The following MCC variants were observed in gnomAD, a reference collection of about 807,000 sequenced individuals.
MCC encodes MCC regulator of Wnt signaling pathway.
A neutral mutation model predicts 116.2 loss-of-function variants in MCC; 90 were observed. That is an observed-to-expected ratio of 0.77 (90% confidence interval 0.65 to 0.92). The LOEUF is 0.92. Among genes scored for constraint, MCC ranks in the 40% least tolerant of loss-of-function variants. The pLI, the probability that MCC is intolerant of heterozygous loss-of-function variation, is 0.00. For missense variants in MCC, 1,516 were observed against 1,312.2 expected, an observed-to-expected ratio of 1.16 and a Z score of -2.40; for synonymous variants, 578 against 510.5, an observed-to-expected ratio of 1.13 and a Z score of -1.78.
intron 11 of MCC, among the ~76,000 whole-genome samples, chr5:113,079,588 G>C (rs1581009077): frequency 6.6e-6 from 1 of 152,206 alleles, no homozygotes; most frequent in South Asian, 2.1e-4. Flanking sequence ...ATGGTGCTGG[G>C]AAAACTGGCT....
At chr5:113,484,928 G>T (rs1199886158) in intron 1 of MCC, among the ~76,000 whole-genome samples, 1 of 152,178 alleles carries the variant, frequency 6.6e-6, no homozygotes, top group African/African-American at 2.4e-5. Flanking sequence ...TGCACTGAAA[G>T]AGCTTACGGT....
In MCC at chr5:113,025,700, C is replaced by CTGA. The variant is rs2150203626; in HGVS notation, c.*1599_*1601dup. On this transcript the variant is annotated 3_prime_UTR_variant, in exon 19 of 19. Transcript: ENST00000408903. Reference sequence around the variant, plus strand: ...GCACCCCAAAGCTGGTCCTTCTAGACTGATACCAGTTGATCTGTTGTTTCG... The same window carrying CTGA: ...GCACCCCAAAGCTGGTCCTTCTAGACTGATGATACCAGTTGATCTGTTGTTTCG... The CTGA allele has an allele frequency of 6.6e-6, 1 of 152,146 alleles. No homozygotes were observed. The highest frequency in any genetic ancestry group is 2.4e-5 in the African/African-American group (1 of 41,512). 9.4% of individuals were successfully genotyped at this position (152,146 alleles called of 1,614,324 possible). A position where few individuals can be genotyped will look rare whatever the true frequency, so the allele number is the denominator to read the frequency against.
intron 1 of MCC, among the ~76,000 whole-genome samples, chr5:113,389,807 A>G (rs1196058122): frequency 6.6e-6 from 1 of 152,138 alleles, no homozygotes; most frequent in Admixed American, 6.5e-5. Context: ...GTTGAAAATG[A>G]TCTTTCTTTT....
intron 1 of MCC, among the ~76,000 whole-genome samples, chr5:113,474,176 T>A (rs1772172352): frequency 6.6e-6 from 1 of 152,176 alleles, no homozygotes; most frequent in Non-Finnish European, 1.5e-5. Flanking sequence ...GGCACTGAGG[T>A]TACAAAGGCA....
intron 1 of MCC, among the ~76,000 whole-genome samples, chr5:113,456,134 C>G (rs1771539510): frequency 6.6e-6 from 1 of 152,010 alleles, no homozygotes; most frequent in Non-Finnish European, 1.5e-5. Flanking sequence ...GATATGAGCC[C>G]CTGATCTTAA....
At chr5:113,416,622 C>T (rs1262740769) in intron 1 of MCC, among the ~76,000 whole-genome samples, 1 of 151,948 alleles carries the variant, frequency 6.6e-6, no homozygotes, top group East Asian at 1.9e-4. Flanking sequence ...TCATGGACAA[C>T]CATTAAAAGG....
At chr5:113,463,717 T>G (rs1316610589) in intron 1 of MCC, among the ~76,000 whole-genome samples, 1 of 152,110 alleles carries the variant, frequency 6.6e-6, no homozygotes, top group Non-Finnish European at 1.5e-5. Flanking sequence ...TATGCAAGTC[T>G]GAGATGCAGA....
intron 2 of MCC, among the ~76,000 whole-genome samples, chr5:113,345,817 C>T (rs1768120333): frequency 6.6e-6 from 1 of 152,182 alleles, no homozygotes; most frequent in African/African-American, 2.4e-5. Context: ...CTTCAATGCC[C>T]AGACACTGAA....
intron 1 of MCC, among the ~76,000 whole-genome samples, chr5:113,420,286 G>A (rs921033229): frequency 4.7e-5 from 7 of 148,664 alleles, no homozygotes; most frequent in Non-Finnish European, 7.4e-5. Flanking sequence ...AACAACAACA[G>A]CACCAAAAAC....
At chr5:113,147,963 G>A (rs1759626097) in intron 4 of MCC, among the ~76,000 whole-genome samples, 1 of 152,200 alleles carries the variant, frequency 6.6e-6, no homozygotes, top group African/African-American at 2.4e-5. Context: ...CAGGAGACTT[G>A]TTTTCCAAAG....
intron 3 of MCC, among the ~76,000 whole-genome samples, chr5:113,305,009 C>CAAA (rs61371264): frequency 9.5e-5 from 13 of 137,338 alleles, no homozygotes; most frequent in Admixed American, 2.2e-4. Flanking sequence ...CCAAAAGGGG[C>CAAA]AAAAAAAAAA....
Position 113,434,725 on chromosome 5 carries a change from C to T in MCC, c.171-49513G>A. On this transcript the variant is annotated intron_variant, in intron 1 of 18. Transcript: ENST00000408903. The surrounding 1 kb of genome is among the most constrained non-coding windows in gnomAD (Gnocchi z 4.2). ...TTCTTGCGGTCGATGATCTTGATCGCCACATTGAACTTCAGGCGCTCAGAG... is the reference window on the plus strand; with the variant it reads ...TTCTTGCGGTCGATGATCTTGATCGTCACATTGAACTTCAGGCGCTCAGAG... 1 of 1,614,056 alleles carries T rather than the reference C, an allele frequency of 6.2e-7. No individual in the cohort carries two copies.
chr5:113,358,939 C>A lies in MCC; in HGVS notation c.416-18209G>T, dbSNP rs997501162. On this transcript the variant is annotated intron_variant, in intron 2 of 18. Transcript: ENST00000408903. ...TACAAATTACATTACTAACACAGGCCAATTGTCTTAAAATCTGTGCCTGTG... is the reference window on the plus strand; with the variant it reads ...TACAAATTACATTACTAACACAGGCAAATTGTCTTAAAATCTGTGCCTGTG... Among the ~76,000 whole-genome samples, 6 of 152,132 alleles carry A rather than the reference C, an allele frequency of 3.9e-5. No homozygotes were observed. The East Asian group carries it at 1.2e-3, about 29-fold the overall frequency.
intron 3 of MCC, among the ~76,000 whole-genome samples, chr5:113,189,342 C>T (rs1762044847): frequency 6.6e-6 from 1 of 152,172 alleles, no homozygotes; most frequent in Admixed American, 6.5e-5. Context: ...AAGAAAGCAC[C>T]TTTGAAGTGT....
Position 113,101,826 on chromosome 5 carries a change from G to C in MCC, c.1311C>G (p.Ala437=), listed in dbSNP as rs770493359. Residue 437 remains alanine, a synonymous_variant, in exon 8 of 19, where the codon GCC becomes GCG. Transcript: ENST00000408903. ...GLREENESLT[A]MLCSKEEELN... ...GTTCTTCCTCTTTGCTGCACAGCATGGCAGTCAGGCTCTCATTCTCTTCCC... is the reference window on the plus strand; with the variant it reads ...GTTCTTCCTCTTTGCTGCACAGCATCGCAGTCAGGCTCTCATTCTCTTCCC... 13 of 1,613,522 alleles carry C rather than the reference G, an allele frequency of 8.1e-6. No individual in the cohort carries two copies. The highest frequency in any genetic ancestry group is 9.3e-6 in the Non-Finnish European group (11 of 1,180,016).
At chr5:113,146,725 G>A (rs1262208995) in intron 4 of MCC, among the ~76,000 whole-genome samples, 1 of 152,192 alleles carries the variant, frequency 6.6e-6, no homozygotes, top group Non-Finnish European at 1.5e-5. Context: ...TTGTAAGTTA[G>A]AGACTATTTT....
intron 3 of MCC, among the ~76,000 whole-genome samples, chr5:113,293,933 C>T (rs1766609977): frequency 6.6e-6 from 1 of 152,104 alleles, no homozygotes; most frequent in Admixed American, 6.5e-5. Context: ...ACCACCCCCA[C>T]CAAATTAGTT....
intron 6 of MCC, among the ~76,000 whole-genome samples, chr5:113,110,729 A>T (rs1364686346): frequency 6.6e-6 from 1 of 152,220 alleles, no homozygotes; most frequent in Admixed American, 6.5e-5. Flanking sequence ...TGGCCAGCAG[A>T]TGCAAACCAG....
rs371467821 is a variant in MCC at position 113,085,300 on chromosome 5, A to T, written c.1409T>A (p.Leu470His). Reference sequence around the variant, plus strand: ...CTGCACGCTCTGTAGTCGAGTTTGAAGCTCTCTGACCTGAAATCATAATGC... The same window carrying T: ...CTGCACGCTCTGTAGTCGAGTTTGATGCTCTCTGACCTGAAATCATAATGC... ...RDRLRRRVRE[L>H]QTRLQSVQAT... Residue 470 changes from leucine (L) to histidine (H), a missense_variant, in exon 9 of 19, where the codon CTT becomes CAT. Transcript: ENST00000408903. The T allele has an allele frequency of 3.9e-5, 63 of 1,612,208 alleles. No individual in the cohort carries two copies. Among genetic ancestry groups the T allele is most frequent in the Non-Finnish European group, 4.8e-5 (57 of 1,178,758 alleles).
Sources: gnomAD v4.1 joint callset for allele counts (sites outside exome capture counted in the v4.1 genomes callset) on GRCh38, gnomAD v4.1.1 for gene constraint, Gnocchi (gnomAD v3.1) non-coding constraint, MANE v1.5 for transcripts, NCBI Gene and HGNC (gene_info 2026-07-23, HGNC 2026-07-21) for gene names.